The following ANO3 variants were observed in gnomAD, a reference collection of about 807,000 sequenced individuals.
ANO3 encodes the protein anoctamin-3.
A neutral mutation model predicts 144.8 loss-of-function variants in ANO3; 99 were observed. The observed-to-expected ratio is 0.68, with a 90% CI of 0.58 to 0.81. The LOEUF (loss-of-function observed/expected upper bound fraction) is 0.81, where lower values mean the gene tolerates loss of function less well. Ranked by LOEUF, ANO3 falls within the 30% of genes least tolerant of loss-of-function variation. The pLI, the probability that ANO3 is intolerant of heterozygous loss-of-function variation, is 0.00. For missense variants in ANO3, 905 were observed against 1,202.2 expected, an observed-to-expected ratio of 0.75 and a Z score of 3.66; for synonymous variants, 414 against 392.6, an observed-to-expected ratio of 1.05 and a Z score of -0.64.
At chr11:26,268,274 A>G (rs1220649437) in intron 1 of ANO3, among the ~76,000 whole-genome samples, 1 of 152,206 alleles carries the variant, frequency 6.6e-6, no homozygotes, top group African/African-American at 2.4e-5. Flanking sequence ...TATTCAATTT[A>G]TATTCTAATG....
At chr11:26,644,535 A>G (rs929030195) in intron 23 of ANO3, among the ~76,000 whole-genome samples, 3 of 152,166 alleles carry the variant, frequency 2.0e-5, no homozygotes, top group African/African-American at 7.2e-5. Context: ...ATTTGGCAGC[A>G]TGTTCTCCAG....
rs1853500788 is a variant in ANO3 at position 26,273,813 on chromosome 11, G to C, written c.155-35832G>C. 2.0e-5 allele frequency among the ~76,000 whole-genome samples: 3 copies of C among 152,106 alleles called. No homozygotes were observed. In the South Asian group the frequency reaches 6.2e-4, roughly 32 times the overall value. On this transcript the variant is annotated intron_variant, in intron 1 of 27. Transcript: ENST00000672621. ...CTTCCAAACCAGTGCCAGATCATGA[G>C]GAAGAAGACATGGAGGAAGCAGTGT...
At chr11:26,514,612 T>A (rs1861792668) in intron 5 of ANO3, among the ~76,000 whole-genome samples, 1 of 152,118 alleles carries the variant, frequency 6.6e-6, no homozygotes. Flanking sequence ...TTCTTCCAAG[T>A]AGGCAGTAAA....
At chr11:26,260,892 C>T (rs1853173410) in intron 1 of ANO3, among the ~76,000 whole-genome samples, 1 of 152,212 alleles carries the variant, frequency 6.6e-6, no homozygotes, top group Non-Finnish European at 1.5e-5. Flanking sequence ...ATCTGTGATG[C>T]TGGGAAGGCT....
chr11:26,603,141 A>G (rs1418909570), intron 17 of ANO3, among the ~76,000 whole-genome samples: 1 of 152,200 alleles, frequency 6.6e-6, no homozygotes, highest in African/African-American at 2.4e-5. Context: ...CTGGGCAAAC[A>G]TAAAACTGAT....
intron 1 of ANO3, among the ~76,000 whole-genome samples, chr11:26,412,681 G>A (rs1015331293): frequency 6.6e-6 from 1 of 151,840 alleles, no homozygotes; most frequent in South Asian, 2.1e-4. Context: ...CAGTGGTAAA[G>A]ATACAGCTTA....
chr11:26,537,231 C>T (rs769091111), intron 9 of ANO3, among the ~76,000 whole-genome samples, 175 bp from the exon 10 acceptor site: 5 of 152,088 alleles, frequency 3.3e-5, no homozygotes, highest in African/African-American at 9.7e-5. Flanking sequence ...TAACTAGATG[C>T]AGTATCAGGT....
intron 14 of ANO3, chr11:26,563,285 T>G (rs753069403): frequency 6.4e-7 from 1 of 1,568,042 alleles, no homozygotes; most frequent in Non-Finnish European, 8.6e-7. Context: ...AAAAAAAATT[T>G]AAAGAAATAT....
At chr11:26,369,445 C>A (rs1299315807) in intron 1 of ANO3, among the ~76,000 whole-genome samples, 1 of 152,068 alleles carries the variant, frequency 6.6e-6, no homozygotes, top group East Asian at 1.9e-4. Context: ...TACCATTTCT[C>A]CTTTTCAAAA....
At chr11:26,558,645 C>A (rs985554875) in intron 13 of ANO3, among the ~76,000 whole-genome samples, 1 of 152,020 alleles carries the variant, frequency 6.6e-6, no homozygotes, top group African/African-American at 2.4e-5. Context: ...TCAAAGGGAG[C>A]GCATCTTTTC....
At chr11:26,441,865 G>T in intron 1 of ANO3, 53 bp from the exon 2 acceptor site, 1 of 1,379,972 alleles carries the variant, frequency 7.2e-7, no homozygotes. Context: ...ACTTTTTATT[G>T]ACCTCTACTG....
intron 17 of ANO3, among the ~76,000 whole-genome samples, chr11:26,623,176 C>T (rs575001586): frequency 1.3e-5 from 2 of 152,268 alleles, no homozygotes; most frequent in South Asian, 4.1e-4. Context: ...ATCTTTCTGT[C>T]TCCAGATAAC....
chr11:26,542,434 G>T (rs1849670627), intron 11 of ANO3, among the ~76,000 whole-genome samples: 1 of 152,022 alleles, frequency 6.6e-6, no homozygotes, highest in African/African-American at 2.4e-5. Context: ...CATGGAGAGG[G>T]CATAGAGAGG....
At chr11:26,563,818 T>C (rs1354065534) in intron 14 of ANO3, among the ~76,000 whole-genome samples, 3 of 151,896 alleles carry the variant, frequency 2.0e-5, no homozygotes, top group Non-Finnish European at 2.9e-5. Context: ...CTTCAGTGCC[T>C]TGCATATCAA....
chr11:26,655,122 T>G (rs1440337281), intron 24 of ANO3, among the ~76,000 whole-genome samples: 1 of 152,162 alleles, frequency 6.6e-6, no homozygotes, highest in Non-Finnish European at 1.5e-5. Flanking sequence ...CATTCTGCCT[T>G]TTGAAAATCA....
chr11:26,620,564 C>T (rs1043044108), intron 17 of ANO3, among the ~76,000 whole-genome samples: 4 of 151,996 alleles, frequency 2.6e-5, no homozygotes, highest in African/African-American at 9.7e-5. Flanking sequence ...TTTTGGGTTT[C>T]CTCCTCTGAT....
At chr11:26,585,494 T>A (rs1269328980) in intron 14 of ANO3, among the ~76,000 whole-genome samples, 1 of 152,182 alleles carries the variant, frequency 6.6e-6, no homozygotes, top group Non-Finnish European at 1.5e-5. Flanking sequence ...TCTGTTGCCA[T>A]CTTTATTTTG....
At chr11:26,582,342 A>G (rs1190888839) in intron 14 of ANO3, among the ~76,000 whole-genome samples, 1 of 152,224 alleles carries the variant, frequency 6.6e-6, no homozygotes, top group Non-Finnish European at 1.5e-5. Flanking sequence ...ATAAATACAT[A>G]TAGGTTGAAA....
chr11:26,207,797 A>G (rs12799440), intron 1 of ANO3, among the ~76,000 whole-genome samples: 45,927 of 152,042 alleles, frequency 0.3, 7,675 homozygotes, highest in Non-Finnish European at 0.37. Flanking sequence ...AAATCTCTGC[A>G]AATGAATGAT....
Sources: allele counts gnomAD v4.1 joint callset (sites outside exome capture counted in the v4.1 genomes callset), GRCh38; gene constraint gnomAD v4.1.1; transcripts MANE v1.5; gene names NCBI Gene and HGNC (gene_info 2026-07-23, HGNC 2026-07-21).